The following LIN7A variants were observed in gnomAD, a reference collection of about 807,000 sequenced individuals.
The protein encoded by LIN7A is lin-7 cell polarity scaffold A.
LIN7A carries 25 observed loss-of-function variants against 29.8 expected under a neutral mutation model. The ratio of observed to expected loss-of-function variants is 0.84; its 90% CI spans 0.61 to 1.17. The LOEUF is 1.17. LIN7A is among the 50% of genes most tolerant of loss of function. The pLI, the probability that LIN7A is intolerant of heterozygous loss-of-function variation, is 0.00. For synonymous variants in LIN7A, 118 were observed against 107.5 expected (o/e 1.10, Z -0.60); for missense variants, 239 against 287.0 (o/e 0.83, Z 1.21).
At chr12:80,929,824 T>G (rs1454163329) in intron 1 of LIN7A, among the ~76,000 whole-genome samples, 6 of 152,178 alleles carry the variant, frequency 3.9e-5, no homozygotes, top group Non-Finnish European at 7.4e-5. Context: ...CTTTGTCATC[T>G]TTTTGGAAGC....
At chr12:80,864,724 T>C (rs554649174) in intron 2 of LIN7A, among the ~76,000 whole-genome samples, 7 of 152,336 alleles carry the variant, frequency 4.6e-5, no homozygotes, top group Admixed American at 4.6e-4. Flanking sequence ...CGCAACATTT[T>C]TTAATGTGAA....
At chr12:80,899,831 C>G (rs1406153103) in intron 1 of LIN7A, among the ~76,000 whole-genome samples, 1 of 126,590 alleles carries the variant, frequency 7.9e-6, no homozygotes, top group African/African-American at 2.8e-5. Context: ...TGCAGTGGCG[C>G]GATCTCCACT....
At chr12:80,923,181 T>A (rs1007997996) in intron 1 of LIN7A, among the ~76,000 whole-genome samples, 6 of 152,200 alleles carry the variant, frequency 3.9e-5, no homozygotes, top group Admixed American at 2.0e-4. Context: ...TTTCTTCTTT[T>A]GTCCTTGGAC....
Position 80,845,880 on chromosome 12 carries a change from C to A in LIN7A, c.333G>T (p.Leu111=). The A allele has an allele frequency of 6.2e-7, 1 of 1,611,890 alleles. No individual in the cohort carries two copies. The highest frequency in any genetic ancestry group is 8.5e-7 in the Non-Finnish European group (1 of 1,179,456). The change falls in exon 4 of 6, where the codon CTG becomes CTT. Residue 111 remains leucine (L), a synonymous_variant. Coordinates refer to ENST00000552864, the MANE Select transcript of LIN7A (RefSeq NM_004664.4). ...AACCAAGGCCTTCATCAGTCTTTGG[C>A]AGTTCAACTACTCGAGGGTGGGAGT... ...EGHSHPRVVE[L]PKTDEGLGFN...
intron 1 of LIN7A, among the ~76,000 whole-genome samples, chr12:80,920,838 A>C (rs943217627): frequency 6.6e-6 from 1 of 152,192 alleles, no homozygotes; most frequent in East Asian, 1.9e-4. Flanking sequence ...TAAGCAAAAA[A>C]CAGGAATACC....
At chr12:80,930,868 A>C (rs940925143) in intron 1 of LIN7A, among the ~76,000 whole-genome samples, 6 of 152,240 alleles carry the variant, frequency 3.9e-5, no homozygotes, top group African/African-American at 1.4e-4. Context: ...CATGACAGCT[A>C]AGTCTTGCTA....
chr12:80,814,943 A>C (rs573722761), intron 4 of LIN7A, among the ~76,000 whole-genome samples: 1 of 152,216 alleles, frequency 6.6e-6, no homozygotes, highest in African/African-American at 2.4e-5. Flanking sequence ...CCTCATTTGT[A>C]CTACTGAAAT....
chr12:80,814,234 T>C (rs915925624), intron 4 of LIN7A, among the ~76,000 whole-genome samples: 3 of 152,150 alleles, frequency 2.0e-5, no homozygotes, highest in African/African-American at 7.2e-5. Flanking sequence ...GAAAGGAAGG[T>C]AAACTTTGAC....
chr12:80,892,974 C>T (rs1875704482), intron 1 of LIN7A, among the ~76,000 whole-genome samples: 1 of 152,134 alleles, frequency 6.6e-6, no homozygotes, highest in Non-Finnish European at 1.5e-5. Context: ...ATGCAGATGC[C>T]TAATCCTTAC....
chr12:80,876,560 C>A (rs1466761529), intron 2 of LIN7A, among the ~76,000 whole-genome samples: 1 of 151,988 alleles, frequency 6.6e-6, no homozygotes, highest in Non-Finnish European at 1.5e-5. Flanking sequence ...TATGTAAAAG[C>A]CCAAGTTAGT....
intron 4 of LIN7A, among the ~76,000 whole-genome samples, chr12:80,839,975 T>C (rs573533489): frequency 6.6e-6 from 1 of 152,230 alleles, no homozygotes; most frequent in African/African-American, 2.4e-5. Context: ...AATGGTGCTC[T>C]AAGACAATGT....
intron 1 of LIN7A, among the ~76,000 whole-genome samples, chr12:80,897,651 G>A (rs1166732241): frequency 2.6e-5 from 4 of 151,770 alleles, no homozygotes; most frequent in Non-Finnish European, 5.9e-5. Flanking sequence ...ACTAAAAATA[G>A]AAAAATTAGC....
At chr12:80,860,600 C>T (rs1337149032) in intron 2 of LIN7A, among the ~76,000 whole-genome samples, 1 of 152,160 alleles carries the variant, frequency 6.6e-6, no homozygotes, top group African/African-American at 2.4e-5. Flanking sequence ...ACCACTTCAG[C>T]CTCTCAGTAA....
At chr12:80,882,298 T>C (rs1208781428) in intron 2 of LIN7A, among the ~76,000 whole-genome samples, 1 of 105,566 alleles carries the variant, frequency 9.5e-6, no homozygotes, top group African/African-American at 2.7e-5. Context: ...TTTTTTTTTT[T>C]TTTTGAGACG....
rs556487308 is a variant in LIN7A at position 80,792,853 on chromosome 12, G to T, written c.*4874C>A. ...TTTATCACATGTCAGAAATTTTCTG[G>T]TCTGTACCTTTAACCATGTTCCTGG... is the stretch of plus-strand genomic sequence containing the variant. On this transcript the variant is annotated 3_prime_UTR_variant, in exon 6 of 6. Coordinates refer to ENST00000552864, the MANE Select transcript of LIN7A (RefSeq NM_004664.4). 1 of 152,226 alleles carries T rather than the reference G, an allele frequency of 6.6e-6. No individual in the cohort carries two copies. The highest frequency in any genetic ancestry group is 2.4e-5 in the African/African-American group (1 of 41,542). The allele number at this position is 152,226 out of a possible 1,614,324, so 9.4% of individuals were successfully genotyped here.
chr12:80,839,456 A>G (rs1872714900), intron 4 of LIN7A, among the ~76,000 whole-genome samples: 1 of 152,244 alleles, frequency 6.6e-6, no homozygotes, highest in Non-Finnish European at 1.5e-5. Context: ...TTCAACAAAT[A>G]TATAGAGAGC....
chr12:80,837,871 T>A (rs769647198), intron 4 of LIN7A, among the ~76,000 whole-genome samples: 8 of 152,008 alleles, frequency 5.3e-5, no homozygotes, highest in Admixed American at 2.0e-4. Context: ...ATCATCATCA[T>A]GTTCTTACTT....
chr12:80,899,765 C>A (rs372127811), intron 1 of LIN7A, among the ~76,000 whole-genome samples: 1 of 109,992 alleles, frequency 9.1e-6, no homozygotes, highest in Non-Finnish European at 2.0e-5. Flanking sequence ...TTCTTTTTTT[C>A]TTTTCTTTTT....
Position 80,799,841 on chromosome 12 carries a change from T to TGATTATTTAA in LIN7A, c.*1-2125_*1-2116dup, listed in dbSNP as rs761825213. 2.6e-3 allele frequency among the ~76,000 whole-genome samples: 395 copies of TGATTATTTAA among 152,134 alleles called. 3 individuals are homozygous for TGATTATTTAA. Among genetic ancestry groups the TGATTATTTAA allele is most frequent in the Non-Finnish European group, 2.8e-3 (192 of 68,018 alleles). On this transcript the variant is annotated intron_variant, in intron 5 of 5. Transcript: ENST00000552864. ...AGAGAAAATCAATGAAATCAAAAGCTGATTATTTAAAATGATCAATAAAAA... is the reference window on the plus strand; with the variant it reads ...AGAGAAAATCAATGAAATCAAAAGCTGATTATTTAAGATTATTTAAAATGATCAATAAAAA...
Sources: gnomAD v4.1 joint callset for allele counts (sites outside exome capture counted in the v4.1 genomes callset) on GRCh38, gnomAD v4.1.1 for gene constraint, MANE v1.5 for transcripts, NCBI Gene and HGNC (gene_info 2026-07-23, HGNC 2026-07-21) for gene names.